The following NLRP2 variants were observed in gnomAD, a reference collection of about 807,000 sequenced individuals.
NLRP2 encodes the protein NLR family pyrin domain containing 2, also known as NACHT, LRR and PYD domains-containing protein 2.
NLRP2 carries 107 observed loss-of-function variants against 97.2 expected under a neutral mutation model. The ratio of observed to expected loss-of-function variants is 1.10; its 90% CI spans 0.94 to 1.29. The LOEUF (loss-of-function observed/expected upper bound fraction) is 1.29, where lower values mean the gene tolerates loss of function less well. Among genes scored for constraint, NLRP2 ranks in the 50% most tolerant of loss-of-function variants. NLRP2 has a pLI of 0.00. For synonymous variants in NLRP2, 663 were observed against 551.5 expected (o/e 1.20, Z -2.83); for missense variants, 1,495 against 1,330.3 (o/e 1.12, Z -1.93).
At chr19:54,985,843 C>G (rs534697191) in intron 7 of NLRP2, among the ~76,000 whole-genome samples, 1 of 151,936 alleles carries the variant, frequency 6.6e-6, no homozygotes, top group East Asian at 1.9e-4. Context: ...ACGAAAAATA[C>G]AAAAATTTGC....
chr19:54,999,841 A>AT (rs1273314444), intron 12 of NLRP2, among the ~76,000 whole-genome samples: 2 of 151,978 alleles, frequency 1.3e-5, no homozygotes, highest in South Asian at 4.1e-4. Flanking sequence ...GGTTCAAGTG[A>AT]TTCTCCTGTG....
chr19:54,977,903 ACC>A lies in NLRP2; in HGVS notation c.397+83_397+84del, dbSNP rs1456601444. ...CTGCTATCTCCTGTTCCTTTGAAGA[ACC>A]CCATCTCTCTCCAATCTTTTCCTCC... On this transcript the variant is annotated intron_variant, in intron 4 of 12. Transcript: ENST00000448584. 14 of 1,259,270 alleles carry A rather than the reference ACC, an allele frequency of 1.1e-5. No individual in the cohort carries two copies. The East Asian group carries it at 3.0e-4, about 27-fold the overall frequency. The allele number at this position is 1,259,270 out of a possible 1,614,324, so 78.0% of individuals were successfully genotyped here. A position where few individuals can be genotyped will look rare whatever the true frequency, so the allele number is the denominator to read the frequency against.
At chr19:54,973,670 G>A (rs140382764) in intron 2 of NLRP2, 8 of 372,432 alleles carry the variant, frequency 2.1e-5, no homozygotes, top group East Asian at 7.0e-5. Context: ...AACCATGCCC[G>A]GCCAAGGGTT....
intron 12 of NLRP2, among the ~76,000 whole-genome samples, 169 bp from the exon 13 acceptor site, chr19:55,000,591 T>TA (rs1568552599): frequency 4.2e-5 from 6 of 143,376 alleles, no homozygotes; most frequent in African/African-American, 1.6e-4. Context: ...AGACTGTCTT[T>TA]TAAAAAAAAA....
intron 8 of NLRP2, among the ~76,000 whole-genome samples, chr19:54,987,872 G>A (rs144609482): frequency 5.3e-5 from 8 of 151,436 alleles, no homozygotes; most frequent in African/African-American, 9.7e-5. Flanking sequence ...GAAACCCCAC[G>A]TCTACTAAAA....
chr19:54,992,556 C>CTTT (rs71181721), intron 10 of NLRP2, among the ~76,000 whole-genome samples: 4,987 of 82,540 alleles, frequency 0.06, 237 homozygotes, highest in Admixed American at 0.17. Context: ...GGGGGGTTTT[C>CTTT]TTTTTTTTTT....
chr19:54,994,088 T>C (rs1352793349), intron 10 of NLRP2, 181 bp from the exon 11 acceptor site: 3 of 698,772 alleles, frequency 4.3e-6, no homozygotes, highest in Non-Finnish European at 7.7e-6. Context: ...GTGCCAGGAG[T>C]TGGGACTTGG....
chr19:55,000,747 C>T lies in NLRP2; in HGVS notation c.3051-13C>T, dbSNP rs2073141802. 1 of 1,613,190 alleles carries T rather than the reference C, an allele frequency of 6.2e-7. No individual in the cohort carries two copies. The highest frequency in any genetic ancestry group is 8.5e-7 in the Non-Finnish European group (1 of 1,179,348). The stretch of plus-strand genomic sequence containing the variant: ...TGCACAAAGTAACCTTTTCTTCCCC[C>T]ATTGTACCCCAGGTTGAAAATCGAT... On this transcript the variant is annotated splice_polypyrimidine_tract_variant and intron_variant, in intron 12 of 12. Transcript: ENST00000448584.
intron 10 of NLRP2, chr19:54,993,446 CAG>C (rs1177260385): frequency 3.3e-5 from 5 of 152,194 alleles, no homozygotes; most frequent in African/African-American, 9.7e-5. Context: ...AGAAAGAAAA[CAG>C]AGCTAAGGTG....
chr19:54,988,630 T>G lies in NLRP2; in HGVS notation c.2367-1392T>G, dbSNP rs902531042. Among the ~76,000 whole-genome samples the G allele has an allele frequency of 2.0e-5, 3 of 151,926 alleles. No homozygotes were observed. The South Asian group carries it at 6.2e-4, about 32-fold the overall frequency. On this transcript the variant is annotated intron_variant, in intron 8 of 12. Transcript: ENST00000448584. ...CTGGTCTCGAACTCCTGACCTCAAG[T>G]GACATCCATCTTCCAAAATGCTGGG...
intron 12 of NLRP2, among the ~76,000 whole-genome samples, 157 bp downstream of exon 12, chr19:54,997,644 G>A (rs774365767): frequency 2.0e-5 from 3 of 152,110 alleles, no homozygotes; most frequent in South Asian, 2.1e-4. Flanking sequence ...TTGGAGAAAC[G>A]GGGTTTCACC....
At position 54,982,637 on chromosome 19, in the gene NLRP2, G is replaced by A. The variant is rs61735080; in HGVS notation, c.939G>A (p.Pro313=). The change falls in exon 6 of 13, where the codon CCG becomes CCA. Residue 313 remains proline, a synonymous_variant. Coordinates refer to ENST00000448584, the MANE Select transcript of NLRP2 (RefSeq NM_017852.5). ...DICGDWEKKK[P]VPVLLGSLLN... Reference sequence around the variant, plus strand: ...GCGGGGACTGGGAGAAGAAGAAGCCGGTGCCCGTCCTCCTGGGGAGTTTGC... The same window carrying A: ...GCGGGGACTGGGAGAAGAAGAAGCCAGTGCCCGTCCTCCTGGGGAGTTTGC... The A allele has an allele frequency of 4.0e-4, 645 of 1,614,012 alleles. 1 individual carries two copies. The highest frequency in any genetic ancestry group is 1.5e-4 in the Non-Finnish European group (177 of 1,180,026).
In NLRP2 at chr19:54,982,138, C is replaced by A. The variant is rs149306029; in HGVS notation, c.464-24C>A. On this transcript the variant is annotated intron_variant, in intron 5 of 12. Transcript: ENST00000448584. ...GGGTAACTGATTGCATCCTCTCTCC[C>A]TTCCCTCCTCACCAATGATAAAGAC... 107 of 1,613,670 alleles carry A rather than the reference C, an allele frequency of 6.6e-5. No homozygotes were observed. The East Asian group carries it at 2.4e-3, about 36-fold the overall frequency.
At position 54,982,169 on chromosome 19, in the gene NLRP2, CAA is replaced by C; in HGVS notation, c.472_473del (p.Asn158Ter). 6.2e-7 allele frequency: 1 copy of C among 1,614,056 alleles called. No individual in the cohort carries two copies. Among genetic ancestry groups the C allele is most frequent in the Admixed American group, 1.7e-5 (1 of 59,994 alleles). ...VFKGKKPDKDNRCRYILKTKF... is the reference protein window; with the variant it reads ...VFKGKKPDKDXRCRYILKTKF... ...TCCTCACCAATGATAAAGACAAAGA[CAA>C]TAGGTGCAGGTATATATTGAAGACG... is the stretch of plus-strand genomic sequence containing the variant. On this transcript the variant is annotated frameshift_variant, in exon 6 of 13. Coordinates refer to ENST00000448584, the MANE Select transcript of NLRP2 (RefSeq NM_017852.5). LOFTEE classifies it high-confidence loss of function.
chr19:54,989,896 C>G, intron 8 of NLRP2, 126 bp from the exon 9 acceptor site: 1 of 951,962 alleles, frequency 1.1e-6, no homozygotes. Context: ...GAGGCTGAGG[C>G]AGGAGAATCA....
At position 54,989,773 on chromosome 19, in the gene NLRP2, T is replaced by C. The variant is rs1402343821; in HGVS notation, c.2367-249T>C. On this transcript the variant is annotated intron_variant, in intron 8 of 12. Transcript: ENST00000448584. ...CCGAGGTGGGCAGATCACCTGAGAT[T>C]GGGAGTTTGAGACCAGCCTGACCAA... 1.4e-5 allele frequency: 8 copies of C among 571,624 alleles called. No individual in the cohort carries two copies. In the Admixed American group the frequency reaches 1.8e-4, roughly 13 times the overall value. 35.4% of individuals were successfully genotyped at this position (571,624 alleles called of 1,614,324 possible). A position where few individuals can be genotyped will look rare whatever the true frequency, so the allele number is the denominator to read the frequency against.
chr19:54,990,280 A>G (rs773513819), intron 9 of NLRP2, 88 bp downstream of exon 9: 2 of 1,383,008 alleles, frequency 1.4e-6, no homozygotes, highest in Middle Eastern at 1.8e-4. Context: ...GCTGTATGGA[A>G]CCTCTCGCTG....
At position 54,986,249 on chromosome 19, in the gene NLRP2, A is replaced by G. The variant is rs202151550; in HGVS notation, c.2300A>G (p.Gln767Arg). The G allele has an allele frequency of 1.1e-5, 18 of 1,613,948 alleles. No individual in the cohort carries two copies. The highest frequency in any genetic ancestry group is 1.5e-5 in the Non-Finnish European group (18 of 1,179,944). ...TATCTGACCCTTCAAGGCAATGACCAGGATGATATGTTTCCCGCATTGTGT... is the reference window on the plus strand; with the variant it reads ...TATCTGACCCTTCAAGGCAATGACCGGGATGATATGTTTCCCGCATTGTGT... ...VTYLTLQGND[Q>R]DDMFPALCEV... is the part of the protein sequence containing the mutation. Residue 767 changes from glutamine (Q) to arginine (R), a missense_variant, in exon 8 of 13, where the codon CAG (glutamine) becomes CGG (arginine). Coordinates refer to ENST00000448584, the MANE Select transcript of NLRP2 (RefSeq NM_017852.5).
chr19:54,983,832 A>G, intron 6 of NLRP2, 104 bp downstream of exon 6: 1 of 1,473,492 alleles, frequency 6.8e-7, no homozygotes, highest in South Asian at 1.1e-5. Flanking sequence ...AGGGTCAGGA[A>G]TTCCCTCTTG....
Sources: gnomAD v4.1 joint callset for allele counts (sites outside exome capture counted in the v4.1 genomes callset) on GRCh38, gnomAD v4.1.1 for gene constraint, MANE v1.5 for transcripts, NCBI Gene and HGNC (gene_info 2026-07-23, HGNC 2026-07-21) for gene names.